IFI6: variants seen among roughly 807,000 people sequenced by gnomAD.
IFI6 encodes the protein interferon alpha inducible protein 6, also known as interferon alpha-inducible protein 6.
A neutral mutation model predicts 12.7 loss-of-function variants in IFI6; 10 were observed. The ratio of observed to expected loss-of-function variants is 0.79; its 90% CI spans 0.49 to 1.33. The LOEUF (loss-of-function observed/expected upper bound fraction) is 1.33. Ranked by LOEUF, IFI6 falls within the 40% of genes most tolerant of loss-of-function variation. The pLI is 0.00. For missense variants in IFI6, 154 were observed against 180.4 expected (o/e 0.85, Z 0.84); for synonymous variants, 89 against 86.2 (o/e 1.03, Z -0.18).
intron 1 of IFI6, among the ~76,000 whole-genome samples, chr1:27,671,653 T>C (rs2090405420): frequency 6.6e-6 from 1 of 151,516 alleles, no homozygotes; most frequent in African/African-American, 2.4e-5. Flanking sequence ...CCCAAAGTGC[T>C]GGGATTACAG....
In IFI6 at chr1:27,666,416, G is replaced by C; in HGVS notation, c.358C>G (p.His120Asp). ...NIGALMGYAT[H>D]KYLDSEEDEE ...TCCTCCTCACTATCGAGATACTTGT[G>C]GGTGGCGTAGCCCATCAGGGCACCA... The change falls in exon 5 of 5, where the codon CAC (histidine) becomes GAC (aspartate). Residue 120 changes from histidine to aspartate, a missense_variant. Physicochemically the swap from His to Asp is moderately conservative, Grantham distance 81. Coordinates refer to ENST00000361157, the MANE Select transcript of IFI6 (RefSeq NM_002038.4). The C allele has an allele frequency of 6.2e-7, 1 of 1,613,462 alleles. No individual in the cohort carries two copies. The highest frequency in any genetic ancestry group is 2.2e-5 in the East Asian group (1 of 44,862).
chr1:27,669,598 A>T (rs2090389079), intron 1 of IFI6: 1 of 443,988 alleles, frequency 2.3e-6, no homozygotes, highest in Non-Finnish European at 4.2e-6. Context: ...TAAGCTCCGC[A>T]GATGTCAATA....
Position 27,666,203 on chromosome 1 carries a change from T to G in IFI6, c.*178A>C, listed in dbSNP as rs1037628691. 1 of 454,750 alleles carries G rather than the reference T, an allele frequency of 2.2e-6. No individual in the cohort carries two copies. The highest frequency in any genetic ancestry group is 2.2e-5 in the African/African-American group (1 of 44,912). 28.2% of individuals were successfully genotyped at this position (454,750 alleles called of 1,614,324 possible). A position where few individuals can be genotyped will look rare whatever the true frequency, so the allele number is the denominator to read the frequency against. ...TTGAGACAGGAGGATCACTTGAGGC[T>G]AGGAGTTGGAGGCTGCAGTGTACTA... On this transcript the variant is annotated 3_prime_UTR_variant, in exon 5 of 5. Transcript: ENST00000361157.
intron 4 of IFI6, 139 bp from the exon 5 acceptor site, chr1:27,666,614 C>A (rs899298019): frequency 2.6e-6 from 1 of 386,416 alleles, no homozygotes; most frequent in Admixed American, 7.0e-5. Flanking sequence ...GGCACTACTA[C>A]AAAGTGAGTC....
rs370280863 is a variant in IFI6 at position 27,666,341 on chromosome 1, G to T, written c.*40C>A. ...AAAGTTCTAGATCCTAACTGGAAGA[G>T]TTAGGCCAAGAAGGAAGAAGAGGTT... On this transcript the variant is annotated 3_prime_UTR_variant, in exon 5 of 5. Coordinates refer to ENST00000361157, the MANE Select transcript of IFI6 (RefSeq NM_002038.4). 35 of 958,770 alleles carry T rather than the reference G, an allele frequency of 3.7e-5. No individual in the cohort carries two copies. The highest frequency in any genetic ancestry group is 5.2e-5 in the Non-Finnish European group (32 of 618,252). The allele number at this position is 958,770 out of a possible 1,614,324, so 59.4% of individuals were successfully genotyped here.
intron 4 of IFI6, 49 bp from the exon 5 acceptor site, chr1:27,666,524 G>A: frequency 7.3e-7 from 1 of 1,364,572 alleles, no homozygotes; most frequent in Non-Finnish European, 1.0e-6. Context: ...GCCAGGCCTG[G>A]GAATCCAAAT....
chr1:27,669,150 T>C (rs905918435), intron 2 of IFI6, 95 bp downstream of exon 2: 33 of 1,379,086 alleles, frequency 2.4e-5, no homozygotes, highest in African/African-American at 1.9e-4. Context: ...CATCTTTACC[T>C]GCATCCTTAC....
chr1:27,670,745 G>A (rs2090398179), intron 1 of IFI6, among the ~76,000 whole-genome samples: 1 of 152,104 alleles, frequency 6.6e-6, no homozygotes, highest in Non-Finnish European at 1.5e-5. Context: ...GTCAAACCCT[G>A]TCCTTTTGTG....
At position 27,672,112 on chromosome 1, in the gene IFI6, C is replaced by T. The variant is rs569996536; in HGVS notation, c.-33+11G>A. On this transcript the variant is annotated intron_variant, in intron 1 of 4. Coordinates refer to ENST00000361157, the MANE Select transcript of IFI6 (RefSeq NM_002038.4). Reference sequence around the variant, plus strand: ...AGCTTGATGCCCACACTTCATAGCTCCTGAGTTTACCTTGGAGGAGAGAAG... The same window carrying T: ...AGCTTGATGCCCACACTTCATAGCTTCTGAGTTTACCTTGGAGGAGAGAAG... The T allele has an allele frequency of 6.6e-6, 1 of 152,332 alleles. No individual in the cohort carries two copies. The highest frequency in any genetic ancestry group is 2.1e-4 in the South Asian group (1 of 4,832). The allele number at this position is 152,332 out of a possible 1,614,324, so 9.4% of individuals were successfully genotyped here. A position where few individuals can be genotyped will look rare whatever the true frequency, so the allele number is the denominator to read the frequency against.
At chr1:27,668,664 A>G (rs2148544465) in intron 2 of IFI6, 129 bp from the exon 3 acceptor site, 1 of 710,304 alleles carries the variant, frequency 1.4e-6, no homozygotes, top group East Asian at 2.7e-5. Context: ...AGAGCCTCAC[A>G]GAGGGGAAGG....
chr1:27,668,605 G>GA, intron 2 of IFI6, 70 bp from the exon 3 acceptor site: 1 of 1,261,976 alleles, frequency 7.9e-7, no homozygotes, highest in Non-Finnish European at 1.1e-6. Flanking sequence ...CTCTGTGTCT[G>GA]ATGCTCAGGA....
At position 27,668,248 on chromosome 1, in the gene IFI6, T is replaced by G; in HGVS notation, c.276A>C (p.Leu92=). ...CACCGAGGCTCTGCAGCGTGGCCACTAGCCCCCCGGCGGGCACGCCGCCCC... is the reference window on the plus strand; with the variant it reads ...CACCGAGGCTCTGCAGCGTGGCCACGAGCCCCCCGGCGGGCACGCCGCCCC... The part of the protein sequence containing the change: ...LNGGGVPAGG[L]VATLQSLGAG... Residue 92 remains leucine, a synonymous_variant, in exon 4 of 5, where the codon CTA becomes CTC. Transcript: ENST00000361157. 6.4e-7 allele frequency: 1 copy of G among 1,570,624 alleles called. No individual in the cohort carries two copies. Among genetic ancestry groups the G allele is most frequent in the Non-Finnish European group, 8.6e-7 (1 of 1,163,744 alleles).
chr1:27,671,303 A>G (rs2090402129), intron 1 of IFI6, among the ~76,000 whole-genome samples: 1 of 152,158 alleles, frequency 6.6e-6, no homozygotes, highest in Admixed American at 6.5e-5. Flanking sequence ...AGGTTAAGTA[A>G]TATTCCCAAG....
At chr1:27,669,450 G>C (rs530850129) in intron 1 of IFI6, 104 bp from the exon 2 acceptor site, 16 of 716,200 alleles carry the variant, frequency 2.2e-5, no homozygotes, top group African/African-American at 1.6e-4. Flanking sequence ...AAGCAGCGAG[G>C]TGTGGTGAAT....
intron 1 of IFI6, 60 bp from the exon 2 acceptor site, chr1:27,669,406 T>C: frequency 9.8e-7 from 1 of 1,016,272 alleles, no homozygotes; most frequent in Non-Finnish European, 1.5e-6. Flanking sequence ...TCAGCTCCGT[T>C]GTTTTCCCTT....
intron 1 of IFI6, among the ~76,000 whole-genome samples, chr1:27,671,466 C>T (rs1356655672): frequency 6.6e-6 from 1 of 150,662 alleles, no homozygotes; most frequent in Non-Finnish European, 1.5e-5. Context: ...CTGCAAGCTC[C>T]ACCTCCCAGG....
In IFI6 at chr1:27,668,350, C is replaced by A; in HGVS notation, c.174G>T (p.Ala58=). The A allele has an allele frequency of 1.3e-6, 2 of 1,568,310 alleles. No individual in the cohort carries two copies. Among genetic ancestry groups the A allele is most frequent in the Admixed American group, 1.8e-5 (1 of 54,624 alleles). The change falls in exon 4 of 5, where the codon GCG becomes GCT. Residue 58 remains alanine (A), a synonymous_variant. Transcript: ENST00000361157. The part of the protein sequence containing the change: ...GGGLAVAGLP[A]LGFTGAGIAA... The stretch of plus-strand genomic sequence containing the variant: ...CGATGCCGGCGCCGGTGAAGCCCAG[C>A]GCGGGCAGCCCGGCGACTGCGAGTC...
intron 3 of IFI6, 31 bp downstream of exon 3, chr1:27,668,427 C>G (rs764578870): frequency 2.3e-5 from 36 of 1,598,570 alleles, no homozygotes; most frequent in Non-Finnish European, 9.4e-6. Context: ...GCCCGCCCCG[C>G]CTGCCCGAGA....
At position 27,666,188 on chromosome 1, in the gene IFI6, A is replaced by C; in HGVS notation, c.*193T>G. ...ATCCTACTTGGGAGGTTGAGACAGG[A>C]GGATCACTTGAGGCTAGGAGTTGGA... On this transcript the variant is annotated 3_prime_UTR_variant, in exon 5 of 5. Transcript: ENST00000361157. 1 of 447,566 alleles carries C rather than the reference A, an allele frequency of 2.2e-6. No homozygotes were observed. The highest frequency in any genetic ancestry group is 4.0e-5 in the South Asian group (1 of 24,982). The allele number at this position is 447,566 out of a possible 1,614,324, so 27.7% of individuals were successfully genotyped here. A position where few individuals can be genotyped will look rare whatever the true frequency, so the allele number is the denominator to read the frequency against.
Sources: gnomAD v4.1 joint callset for allele counts (sites outside exome capture counted in the v4.1 genomes callset) on GRCh38, gnomAD v4.1.1 for gene constraint, MANE v1.5 for transcripts, NCBI Gene and HGNC (gene_info 2026-07-23, HGNC 2026-07-21) for gene names.